The following MACO1 variants were observed in gnomAD, a reference collection of about 807,000 sequenced individuals.
The protein encoded by MACO1 is macoilin.
In MACO1, 14 loss-of-function variants were observed where a neutral mutation model predicts 78.7. The observed-to-expected ratio is 0.18, with a 90% CI of 0.12 to 0.28. The LOEUF is 0.28. Ranked by LOEUF, MACO1 falls within the 10% of genes least tolerant of loss-of-function variation. The pLI, the probability that MACO1 is intolerant of heterozygous loss-of-function variation, is 1.00. For missense variants in MACO1, 501 were observed against 799.0 expected (o/e 0.63, Z 4.50); for synonymous variants, 288 against 291.6 (o/e 0.99, Z 0.12).
chr1:25,480,930 AT>A (rs375885252), intron 6 of MACO1, among the ~76,000 whole-genome samples: 48,246 of 74,710 alleles, frequency 0.65, 17,288 homozygotes, highest in South Asian at 0.8. Context: ...AAAAAAAAAA[AT>A]ATATATATAT....
At chr1:25,435,697 T>G (rs2042913730) in intron 1 of MACO1, among the ~76,000 whole-genome samples, 6 of 152,192 alleles carry the variant, frequency 3.9e-5, no homozygotes, top group Admixed American at 3.3e-4. Context: ...TTTGGTAATC[T>G]TGGTAGGCTT....
intron 6 of MACO1, among the ~76,000 whole-genome samples, chr1:25,480,929 A>ATATATATATAT (rs1165345307): frequency 2.1e-5 from 1 of 47,936 alleles, no homozygotes; most frequent in Admixed American, 3.1e-4. Context: ...AAAAAAAAAA[A>ATATATATATAT]ATATATATAT....
intron 6 of MACO1, among the ~76,000 whole-genome samples, chr1:25,470,443 T>C (rs1397507938): frequency 1.3e-5 from 2 of 152,046 alleles, no homozygotes; most frequent in Non-Finnish European, 2.9e-5. Context: ...GACCTGACCA[T>C]TGGGTTGAAG....
chr1:25,451,276 GA>G (rs2043063544), intron 3 of MACO1, among the ~76,000 whole-genome samples: 1 of 152,128 alleles, frequency 6.6e-6, no homozygotes, highest in South Asian at 2.1e-4. Context: ...AATGGTTGAT[GA>G]AATTACATAT....
intron 6 of MACO1, among the ~76,000 whole-genome samples, chr1:25,471,071 G>A (rs917542320): frequency 6.6e-6 from 1 of 151,730 alleles, no homozygotes; most frequent in Non-Finnish European, 1.5e-5. Flanking sequence ...GGGTACGGTG[G>A]CTCACACCTG....
rs1251010942 is a variant in MACO1 at position 25,485,366 on chromosome 1, C to G, written c.1314-247C>G. Among the ~76,000 whole-genome samples the G allele has an allele frequency of 6.6e-6, 1 of 152,116 alleles. No individual in the cohort carries two copies. Among genetic ancestry groups the G allele is most frequent in the African/African-American group, 2.4e-5 (1 of 41,416 alleles). On this transcript the variant is annotated intron_variant, in intron 7 of 10. Coordinates refer to ENST00000374343, the MANE Select transcript of MACO1 (RefSeq NM_018202.6). The surrounding 1 kb of genome is among the most constrained non-coding windows in gnomAD (Gnocchi z 4.3). ...GTTTTCTGGATGACCTTTTGTAGAT[C>G]ACTTACTTGAACAGAGCAGAGGCTA...
At chr1:25,468,895 C>T (rs910915924) in intron 6 of MACO1, among the ~76,000 whole-genome samples, 3 of 152,184 alleles carry the variant, frequency 2.0e-5, no homozygotes, top group African/African-American at 7.2e-5. Flanking sequence ...GTCGCCCAGG[C>T]TGAAGTGCAG....
At chr1:25,452,689 C>T (rs1557662301) in intron 3 of MACO1, among the ~76,000 whole-genome samples, 1 of 150,108 alleles carries the variant, frequency 6.7e-6, no homozygotes, top group African/African-American at 2.5e-5. Flanking sequence ...AATAATATTA[C>T]GGTGAATTGT....
intron 1 of MACO1, among the ~76,000 whole-genome samples, chr1:25,438,764 G>T (rs1188002438): frequency 2.0e-5 from 3 of 152,252 alleles, no homozygotes; most frequent in East Asian, 1.9e-4. Context: ...TTAGCTGGGC[G>T]TGGTAGCATG....
chr1:25,467,962 T>C (rs2043233949), intron 6 of MACO1, among the ~76,000 whole-genome samples: 1 of 152,182 alleles, frequency 6.6e-6, no homozygotes, highest in African/African-American at 2.4e-5. Context: ...TTTATCAACT[T>C]GCTTGCTTTT....
intron 6 of MACO1, among the ~76,000 whole-genome samples, chr1:25,465,050 T>C (rs2043206670): frequency 6.6e-6 from 1 of 151,644 alleles, no homozygotes; most frequent in African/African-American, 2.4e-5. Flanking sequence ...TGTGCTCAAG[T>C]GATCAACCTG....
chr1:25,489,684 G>A (rs1344059383), intron 9 of MACO1, among the ~76,000 whole-genome samples: 3 of 152,208 alleles, frequency 2.0e-5, no homozygotes, highest in Non-Finnish European at 2.9e-5. Flanking sequence ...GAGCCTTGCA[G>A]ATTGTTGTTC....
At chr1:25,490,168 A>C (rs542499489) in intron 9 of MACO1, among the ~76,000 whole-genome samples, 14 of 79,158 alleles carry the variant, frequency 1.8e-4, no homozygotes, top group African/African-American at 4.1e-4. Context: ...AGCAAAAATC[A>C]TAATAATAAA....
intron 4 of MACO1, 106 bp downstream of exon 4, chr1:25,454,488 A>ATATATATATATATATATTTT (rs1441909435): frequency 1.4e-5 from 1 of 71,190 alleles, no homozygotes; most frequent in East Asian, 2.7e-4. Flanking sequence ...ATATATATAT[A>ATATATATATATATATATTTT]TTTTTTTTTT....
In MACO1 at chr1:25,458,721, T is replaced by G. The variant is rs1361967404; in HGVS notation, c.983T>G (p.Val328Gly). The change falls in exon 6 of 11, where the codon GTT becomes GGT. Residue 328 changes from valine to glycine, a missense_variant. Physicochemically the swap from Val to Gly is moderately radical, Grantham distance 109. Transcript: ENST00000374343. ...AAAAATTACAAAAATGCCAGTGGAG[T>G]TGTGAACTCTTCACCTCGAAGTCAT... is the stretch of plus-strand genomic sequence containing the variant. The part of the protein sequence containing the change: ...SSKNYKNASG[V>G]VNSSPRSHSA... 3 of 1,613,914 alleles carry G rather than the reference T, an allele frequency of 1.9e-6. No homozygotes were observed. The highest frequency in any genetic ancestry group is 2.5e-6 in the Non-Finnish European group (3 of 1,180,006).
intron 1 of MACO1, among the ~76,000 whole-genome samples, chr1:25,438,638 C>T (rs556153692): frequency 1.3e-5 from 2 of 152,356 alleles, no homozygotes; most frequent in African/African-American, 2.4e-5. Context: ...CCCCGTGGCT[C>T]ACGCCTGTAA....
At chr1:25,496,921 C>G (rs1185797877) in intron 10 of MACO1, among the ~76,000 whole-genome samples, 2 of 152,182 alleles carry the variant, frequency 1.3e-5, no homozygotes, top group African/African-American at 4.8e-5. Context: ...GCCTCAGTTT[C>G]CTCATCTATA....
chr1:25,464,479 G>T lies in MACO1; in HGVS notation c.1154+5587G>T, dbSNP rs2043198727. The stretch of plus-strand genomic sequence containing the variant: ...CCTGCCTCAGCCTCCTGAATAGTTG[G>T]GATTACAGGCAGCTGCCATCACACT... On this transcript the variant is annotated intron_variant, in intron 6 of 10. Coordinates refer to ENST00000374343, the MANE Select transcript of MACO1 (RefSeq NM_018202.6). Among the ~76,000 whole-genome samples the T allele has an allele frequency of 3.3e-5, 5 of 150,978 alleles. 1 individual carries two copies. The South Asian group carries it at 1.1e-3, about 32-fold the overall frequency.
At chr1:25,431,996 C>G (rs997993111) in intron 1 of MACO1, among the ~76,000 whole-genome samples, 4 of 151,532 alleles carry the variant, frequency 2.6e-5, no homozygotes, top group African/African-American at 9.7e-5. Context: ...AGAAAGACAA[C>G]AGGTTCATGG....
Sources: allele counts gnomAD v4.1 joint callset (sites outside exome capture counted in the v4.1 genomes callset), GRCh38; gene constraint gnomAD v4.1.1; non-coding constraint Gnocchi (gnomAD v3.1); transcripts MANE v1.5; gene names NCBI Gene and HGNC (gene_info 2026-07-23, HGNC 2026-07-21).